The following LRRIQ3 variants were observed in gnomAD, a reference collection of about 807,000 sequenced individuals.
LRRIQ3 encodes the protein leucine-rich repeat and IQ domain-containing protein 3.
Under a neutral mutation model 59.3 loss-of-function variants are expected in LRRIQ3, and 75 were observed. The observed-to-expected ratio is 1.26, with a 90% CI of 1.05 to 1.53. LRRIQ3 has a LOEUF of 1.53. Among genes scored for constraint, LRRIQ3 ranks in the 40% most tolerant of loss-of-function variants. LRRIQ3 has a pLI of 0.00. For synonymous variants in LRRIQ3, 250 were observed against 231.3 expected (o/e 1.08, Z -0.73); for missense variants, 831 against 710.0 (o/e 1.17, Z -1.94).
intron 3 of LRRIQ3, among the ~76,000 whole-genome samples, chr1:74,178,631 A>G (rs1649788916): frequency 6.6e-6 from 1 of 152,168 alleles, no homozygotes; most frequent in Admixed American, 6.5e-5. Context: ...CAGAAATATT[A>G]GTTGCCTTAC....
rs75719167 is a variant in LRRIQ3, at chr1:74,104,455, C to T, written c.867+4939G>A. ...AACAAGACGTCCTTCAACAGGTGAA[C>T]GCATGATCTTTCATACAATGGAATA... is the stretch of plus-strand genomic sequence containing the variant. On this transcript the variant is annotated intron_variant, in intron 5 of 7. Transcript: ENST00000354431. 7.9e-5 allele frequency among the ~76,000 whole-genome samples: 12 copies of T among 152,066 alleles called. No individual in the cohort carries two copies. In the East Asian group the frequency reaches 2.3e-3, roughly 29 times the overall value.
chr1:74,177,599 G>T lies in LRRIQ3; in HGVS notation c.573+4939C>A, dbSNP rs561292665. Among the ~76,000 whole-genome samples the T allele has an allele frequency of 1.4e-4, 21 of 151,482 alleles. 1 individual carries two copies. The highest frequency in any genetic ancestry group is 2.8e-4 in the Non-Finnish European group (19 of 67,870). On this transcript the variant is annotated intron_variant, in intron 3 of 7. Coordinates refer to ENST00000354431, the MANE Select transcript of LRRIQ3 (RefSeq NM_001105659.2). The stretch of plus-strand genomic sequence containing the variant: ...CTCTTTACCTTTTTAGTCTCCTGAT[G>T]TTTGTTTTGTGTATAATTTTTAAGA...
chr1:74,094,235 A>G (rs1414879727), intron 5 of LRRIQ3, among the ~76,000 whole-genome samples: 1 of 152,084 alleles, frequency 6.6e-6, no homozygotes, highest in Non-Finnish European at 1.5e-5. Context: ...CAAGTTTAGA[A>G]TTTCAACGTA....
At chr1:74,039,413 T>C (rs969224579) in intron 7 of LRRIQ3, among the ~76,000 whole-genome samples, 5 of 152,120 alleles carry the variant, frequency 3.3e-5, no homozygotes, top group Admixed American at 6.6e-5. Context: ...GTCAGGATAC[T>C]ATCTAGAAGA....
intron 4 of LRRIQ3, among the ~76,000 whole-genome samples, chr1:74,132,941 G>C (rs1315033448): frequency 6.6e-6 from 1 of 152,072 alleles, no homozygotes; most frequent in East Asian, 1.9e-4. Flanking sequence ...TACAGAATGG[G>C]AGAAAAATTT....
At chr1:74,096,007 G>A (rs1646444631) in intron 5 of LRRIQ3, among the ~76,000 whole-genome samples, 1 of 151,800 alleles carries the variant, frequency 6.6e-6, no homozygotes, top group Admixed American at 6.6e-5. Context: ...AAAGTTTAAA[G>A]TATGCATTAA....
chr1:74,100,194 G>A (rs1459859005), intron 5 of LRRIQ3, among the ~76,000 whole-genome samples: 2 of 152,138 alleles, frequency 1.3e-5, no homozygotes, highest in East Asian at 1.9e-4. Flanking sequence ...AAGCTGATAA[G>A]CAACTTCAGC....
chr1:74,058,135 T>G (rs1654592519), intron 6 of LRRIQ3, among the ~76,000 whole-genome samples: 1 of 152,084 alleles, frequency 6.6e-6, no homozygotes, highest in Non-Finnish European at 1.5e-5. Flanking sequence ...GAGCATACAT[T>G]AGTACAATGA....
intron 5 of LRRIQ3, 168 bp downstream of exon 5, chr1:74,109,226 G>T (rs1037487291): frequency 3.5e-6 from 2 of 579,368 alleles, no homozygotes. Flanking sequence ...AAATATATTT[G>T]TATTACATTA....
At position 74,190,023 on chromosome 1, in the gene LRRIQ3, C is replaced by T. The variant is rs576601699; in HGVS notation, c.1-6339G>A. Among the ~76,000 whole-genome samples the T allele has an allele frequency of 4.6e-5, 7 of 152,230 alleles. No homozygotes were observed. The South Asian group carries it at 1.2e-3, about 27-fold the overall frequency. ...AGTTTCCAGTATGGCATGTAAGGAG[C>T]TTGGAGTAGTCACTCCATCCTAACA... is the stretch of plus-strand genomic sequence containing the variant. On this transcript the variant is annotated intron_variant, in intron 1 of 7. Transcript: ENST00000354431.
At chr1:74,176,417 T>C (rs1649642081) in intron 3 of LRRIQ3, among the ~76,000 whole-genome samples, 1 of 152,186 alleles carries the variant, frequency 6.6e-6, no homozygotes, top group Non-Finnish European at 1.5e-5. Flanking sequence ...AGAAGTTTAA[T>C]TAAGATATTT....
chr1:74,139,831 G>A (rs1647198791), intron 4 of LRRIQ3, among the ~76,000 whole-genome samples: 1 of 151,826 alleles, frequency 6.6e-6, no homozygotes, highest in African/African-American at 2.4e-5. Context: ...TTTTTATATG[G>A]TCAAGAAGAA....
At position 74,026,467 on chromosome 1, in the gene LRRIQ3, T is replaced by C; in HGVS notation, c.*346A>G. On this transcript the variant is annotated 3_prime_UTR_variant, in exon 8 of 8. Transcript: ENST00000354431. Reference sequence around the variant, plus strand: ...TGGAGTAGAAATTACTATTCTAAGGTTTCCAGAAAAACCTAAATTAGCTTA... The same window carrying C: ...TGGAGTAGAAATTACTATTCTAAGGCTTCCAGAAAAACCTAAATTAGCTTA... The C allele has an allele frequency of 6.1e-6, 1 of 164,850 alleles. No individual in the cohort carries two copies. The allele number at this position is 164,850 out of a possible 1,614,324, so 10.2% of individuals were successfully genotyped here.
intron 4 of LRRIQ3, among the ~76,000 whole-genome samples, chr1:74,134,586 A>G (rs1647088505): frequency 6.6e-6 from 1 of 152,002 alleles, no homozygotes; most frequent in Non-Finnish European, 1.5e-5. Flanking sequence ...TACCATATAT[A>G]GATGTAATAT....
At chr1:74,141,666 G>T (rs547340943) in intron 4 of LRRIQ3, among the ~76,000 whole-genome samples, 9 of 151,566 alleles carry the variant, frequency 5.9e-5, no homozygotes, top group South Asian at 2.1e-4. Context: ...TACGTATTTT[G>T]TTTGATAAAA....
At chr1:74,190,662 A>G (rs1407930493) in intron 1 of LRRIQ3, among the ~76,000 whole-genome samples, 1 of 151,970 alleles carries the variant, frequency 6.6e-6, no homozygotes, top group East Asian at 1.9e-4. Context: ...AACAGAGAAC[A>G]TCATGTAGGA....
At chr1:74,123,513 T>G (rs1646892020) in intron 4 of LRRIQ3, among the ~76,000 whole-genome samples, 1 of 151,994 alleles carries the variant, frequency 6.6e-6, no homozygotes, top group South Asian at 2.1e-4. Flanking sequence ...ATTCAACTGT[T>G]TTAATTTTCA....
At chr1:74,137,914 G>C (rs1647151641) in intron 4 of LRRIQ3, among the ~76,000 whole-genome samples, 1 of 151,682 alleles carries the variant, frequency 6.6e-6, no homozygotes, top group Non-Finnish European at 1.5e-5. Context: ...GACACAGGGA[G>C]GGGAACATCA....
At chr1:74,188,245 C>A (rs185779906) in intron 1 of LRRIQ3, among the ~76,000 whole-genome samples, 5 of 152,114 alleles carry the variant, frequency 3.3e-5, no homozygotes, top group African/African-American at 9.6e-5. Context: ...TAAAGGGGAA[C>A]AACACACTGG....
Sources: gnomAD v4.1 joint callset for allele counts (sites outside exome capture counted in the v4.1 genomes callset) on GRCh38, gnomAD v4.1.1 for gene constraint, MANE v1.5 for transcripts, NCBI Gene and HGNC (gene_info 2026-07-23, HGNC 2026-07-21) for gene names.